PCCA: variants seen among roughly 807,000 people sequenced by gnomAD.
PCCA encodes the protein propionyl-CoA carboxylase alpha chain, mitochondrial.
A neutral mutation model predicts 101.3 loss-of-function variants in PCCA; 74 were observed. The ratio of observed to expected loss-of-function variants is 0.73; its 90% CI spans 0.61 to 0.89. PCCA has a LOEUF of 0.89. PCCA is among the 40% of genes least tolerant of loss of function. PCCA has a pLI of 0.00. For missense variants in PCCA, 891 were observed against 907.0 expected (o/e 0.98, Z 0.23); for synonymous variants, 294 against 313.6 (o/e 0.94, Z 0.66).
chr13:100,273,152 G>T (rs2063413582), intron 11 of PCCA, 44 bp from the exon 12 acceptor site: 1 of 1,524,078 alleles, frequency 6.6e-7, no homozygotes, highest in South Asian at 1.1e-5. Flanking sequence ...AAGATAACTT[G>T]ATTTTTGTCC....
intron 16 of PCCA, among the ~76,000 whole-genome samples, chr13:100,316,842 C>T (rs555417141): frequency 1.6e-4 from 24 of 151,718 alleles, no homozygotes; most frequent in Middle Eastern, 6.8e-3. Flanking sequence ...GGCATGATCT[C>T]GGCTCATTGC....
intron 6 of PCCA, among the ~76,000 whole-genome samples, chr13:100,196,173 A>T (rs1390196334): frequency 1.3e-5 from 2 of 152,204 alleles, no homozygotes; most frequent in African/African-American, 4.8e-5. Flanking sequence ...TTGTTTGTTG[A>T]AATGGTTTTT....
intron 20 of PCCA, among the ~76,000 whole-genome samples, chr13:100,432,790 G>A (rs2079647891): frequency 6.6e-6 from 1 of 152,134 alleles, no homozygotes; most frequent in African/African-American, 2.4e-5. Flanking sequence ...AGGGGGTTGA[G>A]TTTGAGAGAA....
In PCCA at chr13:100,275,458, G is replaced by A. The variant is rs886627093; in HGVS notation, c.1065+2112G>A. On this transcript the variant is annotated intron_variant, in intron 12 of 23. Coordinates refer to ENST00000376285, the MANE Select transcript of PCCA (RefSeq NM_000282.4). ...CTCTTTCCTGATGGTTATCTTTTGC[G>A]TGCTATGGCTTTCTTCATGCTTTTA... Among the ~76,000 whole-genome samples the A allele has an allele frequency of 5.3e-5, 8 of 152,086 alleles. No individual in the cohort carries two copies. The East Asian group carries it at 5.8e-4, about 11-fold the overall frequency.
At chr13:100,482,898 TAC>T (rs2084062746) in intron 21 of PCCA, among the ~76,000 whole-genome samples, 1 of 152,234 alleles carries the variant, frequency 6.6e-6, no homozygotes, top group Admixed American at 6.5e-5. Context: ...GATTTTGCCT[TAC>T]AGTCTTGATA....
intron 19 of PCCA, 41 bp from the exon 20 acceptor site, chr13:100,425,588 TTCTG>T: frequency 7.6e-7 from 1 of 1,324,092 alleles, no homozygotes; most frequent in Non-Finnish European, 1.1e-6. Context: ...GAGATCAGTT[TTCTG>T]TCTTTCTTCA....
chr13:100,504,060 T>TAAA (rs2085887814), intron 21 of PCCA, among the ~76,000 whole-genome samples: 1 of 152,232 alleles, frequency 6.6e-6, no homozygotes, highest in African/African-American at 2.4e-5. Flanking sequence ...GAGGGTGGAT[T>TAAA]AGTAAATTGT....
intron 12 of PCCA, among the ~76,000 whole-genome samples, chr13:100,276,551 T>G (rs1052012726): frequency 6.6e-6 from 1 of 152,172 alleles, no homozygotes; most frequent in African/African-American, 2.4e-5. Context: ...AATAAACCTA[T>G]AACTTTCATT....
intron 10 of PCCA, among the ~76,000 whole-genome samples, chr13:100,264,157 A>G (rs146336995): frequency 0.058 from 4,083 of 69,796 alleles, 1,151 homozygotes; most frequent in African/African-American, 0.18. Context: ...TCGTATATAT[A>G]TGGTATCTGT....
intron 12 of PCCA, among the ~76,000 whole-genome samples, chr13:100,282,233 A>C (rs1270856125): frequency 6.6e-6 from 1 of 152,234 alleles, no homozygotes; most frequent in Admixed American, 6.5e-5. Context: ...GCTACAGGGC[A>C]GGTGCTTTCT....
chr13:100,212,117 T>C (rs536233503), intron 7 of PCCA, among the ~76,000 whole-genome samples: 1 of 152,010 alleles, frequency 6.6e-6, no homozygotes, highest in Admixed American at 6.5e-5. Flanking sequence ...TTGCTTCTTA[T>C]ATAGCTCTCA....
At chr13:100,363,975 C>T (rs8002537) in intron 18 of PCCA, among the ~76,000 whole-genome samples, 2,877 of 152,196 alleles carry the variant, frequency 0.019, 88 homozygotes, top group African/African-American at 0.066. Flanking sequence ...TTAGTTATGT[C>T]GAGCATATTC....
chr13:100,477,052 A>G (rs1420317989), intron 21 of PCCA, among the ~76,000 whole-genome samples: 1 of 152,190 alleles, frequency 6.6e-6, no homozygotes, highest in Non-Finnish European at 1.5e-5. Flanking sequence ...CTGTTTATAT[A>G]CAAAAGGTAA....
intron 19 of PCCA, among the ~76,000 whole-genome samples, chr13:100,370,634 A>G (rs978748487): frequency 1.3e-5 from 2 of 152,298 alleles, no homozygotes; most frequent in South Asian, 2.1e-4. Context: ...CAATAGCCCA[A>G]TGAAAGGCAT....
chr13:100,239,382 C>T (rs186460839), intron 8 of PCCA, among the ~76,000 whole-genome samples: 3 of 152,102 alleles, frequency 2.0e-5, no homozygotes, highest in Admixed American at 1.3e-4. Context: ...AAAATTTGAG[C>T]GACTACTTTG....
At chr13:100,273,398 C>A in intron 12 of PCCA, 52 bp downstream of exon 12, 2 of 1,392,962 alleles carry the variant, frequency 1.4e-6, no homozygotes, top group Non-Finnish European at 2.0e-6. Context: ...TTTACCCTTC[C>A]TTCTCCACCC....
chr13:100,214,061 G>T (rs2059376942), intron 7 of PCCA, among the ~76,000 whole-genome samples: 1 of 152,064 alleles, frequency 6.6e-6, no homozygotes, highest in Middle Eastern at 3.4e-3. Context: ...TTATTTCTGG[G>T]TTCTCTATTC....
chr13:100,400,630 C>CTTTTTTTTTTTT (rs1281449669), intron 19 of PCCA, among the ~76,000 whole-genome samples: 4,223 of 89,404 alleles, frequency 0.047, 215 homozygotes, highest in Non-Finnish European at 0.069. Flanking sequence ...CTTTTTAGTT[C>CTTTTTTTTTTTT]TTTTTTTTTT....
chr13:100,492,236 G>A (rs1008165394), intron 21 of PCCA, among the ~76,000 whole-genome samples: 5 of 151,956 alleles, frequency 3.3e-5, no homozygotes, highest in Admixed American at 6.6e-5. Flanking sequence ...CCAGGTTCAC[G>A]CCATTCTCCT....
Sources: allele counts gnomAD v4.1 joint callset (sites outside exome capture counted in the v4.1 genomes callset), GRCh38; gene constraint gnomAD v4.1.1; transcripts MANE v1.5; gene names NCBI Gene and HGNC (gene_info 2026-07-23, HGNC 2026-07-21).